Variants in TCERG1L observed in about 807,000 individuals in gnomAD.
TCERG1L encodes the protein transcription elongation regulator 1 like.
TCERG1L carries 37 observed loss-of-function variants against 56.3 expected under a neutral mutation model. The ratio of observed to expected loss-of-function variants is 0.66; its 90% CI spans 0.51 to 0.87. TCERG1L has a LOEUF of 0.87. TCERG1L is among the 40% of genes least tolerant of loss of function. The probability of loss-of-function intolerance (pLI) is 0.00; values close to 1 mark genes in which losing one functional copy is unlikely to be tolerated. For missense variants in TCERG1L, 799 were observed against 774.2 expected, an observed-to-expected ratio of 1.03 and a Z score of -0.38; for synonymous variants, 324 against 326.3, an observed-to-expected ratio of 0.99 and a Z score of 0.08.
chr10:131,256,188 C>T (rs1846163128), intron 4 of TCERG1L, among the ~76,000 whole-genome samples: 1 of 152,144 alleles, frequency 6.6e-6, no homozygotes, highest in Middle Eastern at 3.2e-3. Context: ...TAAAAAAAGA[C>T]CTTATTCCCA....
At chr10:131,291,397 A>C (rs796662037) in intron 3 of TCERG1L, among the ~76,000 whole-genome samples, 46 of 60,180 alleles carry the variant, frequency 7.6e-4, no homozygotes, top group Non-Finnish European at 1.1e-3. Context: ...CATAAACAGC[A>C]TTTCTTTTTT....
At chr10:131,125,660 C>G (rs1236921600) in intron 8 of TCERG1L, among the ~76,000 whole-genome samples, 1 of 152,224 alleles carries the variant, frequency 6.6e-6, no homozygotes, top group Non-Finnish European at 1.5e-5. Flanking sequence ...CTGCAGGCCC[C>G]TGGGTGAGAT....
chr10:131,138,801 A>T (rs1208980706), intron 7 of TCERG1L, among the ~76,000 whole-genome samples: 1 of 152,198 alleles, frequency 6.6e-6, no homozygotes, highest in Non-Finnish European at 1.5e-5. Context: ...AACGCCACTG[A>T]ATTGTACATT....
intron 9 of TCERG1L, among the ~76,000 whole-genome samples, chr10:131,115,643 C>T (rs536116084): frequency 5.3e-4 from 78 of 148,002 alleles, no homozygotes; most frequent in Non-Finnish European, 9.9e-4. Context: ...GGCTGTGTTT[C>T]GCCTTTGAGT....
At chr10:131,202,308 G>GCA (rs1845447786) in intron 4 of TCERG1L, among the ~76,000 whole-genome samples, 1 of 152,206 alleles carries the variant, frequency 6.6e-6, no homozygotes, top group Non-Finnish European at 1.5e-5. Context: ...TTCGCCGGGC[G>GCA]CGGTGGTTCA....
chr10:131,229,820 TAACCTTAATAAAATTTAAAG>T lies in TCERG1L; in HGVS notation c.856+30419_856+30438del, dbSNP rs372301401. Reference sequence around the variant, plus strand: ...ATTGAGAATAAAGGCATAGGGTAAGTAACCTTAATAAAATTTAAAGAAGTGATAATAATAATAAAGAATAA... The same window carrying T: ...ATTGAGAATAAAGGCATAGGGTAAGTAAGTGATAATAATAATAAAGAATAA... On this transcript the variant is annotated intron_variant, in intron 4 of 11. Transcript: ENST00000368642. Among the ~76,000 whole-genome samples the T allele has an allele frequency of 3.9e-3, 601 of 152,160 alleles. 4 individuals are homozygous for T. Among genetic ancestry groups the T allele is most frequent in the African/African-American group, 0.014 (572 of 41,490 alleles).
intron 8 of TCERG1L, among the ~76,000 whole-genome samples, chr10:131,120,962 T>C (rs1417746615): frequency 6.6e-6 from 1 of 152,208 alleles, no homozygotes; most frequent in African/African-American, 2.4e-5. Context: ...GTGGGACATG[T>C]ATAAAACAGT....
chr10:131,281,830 G>T (rs1340406174), intron 3 of TCERG1L, among the ~76,000 whole-genome samples: 4 of 141,712 alleles, frequency 2.8e-5, no homozygotes, highest in Non-Finnish European at 4.7e-5. Flanking sequence ...AGTGAGGACT[G>T]CCTGAGACCA....
intron 5 of TCERG1L, among the ~76,000 whole-genome samples, chr10:131,164,756 T>G (rs1418674691): frequency 6.6e-6 from 1 of 152,226 alleles, no homozygotes; most frequent in Admixed American, 6.5e-5. Flanking sequence ...AATTTTAGAA[T>G]CTCTGTTTCT....
chr10:131,256,880 A>G (rs1846168674), intron 4 of TCERG1L, among the ~76,000 whole-genome samples: 1 of 150,356 alleles, frequency 6.7e-6, no homozygotes, highest in Non-Finnish European at 1.5e-5. Context: ...TCGAGACTCC[A>G]TCTCAAGAAA....
At chr10:131,219,054 T>C (rs1246807574) in intron 4 of TCERG1L, among the ~76,000 whole-genome samples, 3 of 152,172 alleles carry the variant, frequency 2.0e-5, no homozygotes, top group African/African-American at 7.2e-5. Context: ...CCAGTGGTCA[T>C]GGCTGGCATG....
At chr10:131,140,629 G>T (rs927391926) in intron 7 of TCERG1L, among the ~76,000 whole-genome samples, 3 of 152,202 alleles carry the variant, frequency 2.0e-5, no homozygotes, top group Non-Finnish European at 4.4e-5. Context: ...ACGAAGAGGG[G>T]CACAGTGGGG....
intron 4 of TCERG1L, among the ~76,000 whole-genome samples, chr10:131,185,441 A>T (rs909792297): frequency 6.6e-6 from 1 of 152,230 alleles, no homozygotes; most frequent in Non-Finnish European, 1.5e-5. Context: ...AGAAAGGAAA[A>T]AACAACCTTC....
At chr10:131,152,034 C>T (rs1349385302) in intron 6 of TCERG1L, among the ~76,000 whole-genome samples, 2 of 152,206 alleles carry the variant, frequency 1.3e-5, no homozygotes, top group Non-Finnish European at 2.9e-5. Context: ...GGGTGACCCT[C>T]CTAGCCCTCC....
chr10:131,227,887 G>A (rs193191272), intron 4 of TCERG1L, among the ~76,000 whole-genome samples: 22 of 152,178 alleles, frequency 1.4e-4, no homozygotes, highest in Admixed American at 7.2e-4. Flanking sequence ...ACTATCTTCC[G>A]GGTCAATATT....
At chr10:131,116,738 C>T (rs1589778974) in intron 9 of TCERG1L, 61 bp downstream of exon 9, 1 of 1,539,116 alleles carries the variant, frequency 6.5e-7, no homozygotes, top group Non-Finnish European at 8.7e-7. Flanking sequence ...GGGACGGCCA[C>T]TCAGCTGCTG....
At chr10:131,132,936 T>TG (rs1845634117) in intron 8 of TCERG1L, among the ~76,000 whole-genome samples, 1 of 152,180 alleles carries the variant, frequency 6.6e-6, no homozygotes, top group Non-Finnish European at 1.5e-5. Flanking sequence ...CCACGTGCTG[T>TG]GGGGCCAGGC....
intron 3 of TCERG1L, among the ~76,000 whole-genome samples, chr10:131,277,142 C>G (rs1043022177): frequency 1.3e-5 from 2 of 151,496 alleles, no homozygotes; most frequent in Non-Finnish European, 2.9e-5. Flanking sequence ...GAGCTAGGAG[C>G]TGTGAGGAAG....
chr10:131,311,437 G>A lies in TCERG1L; in HGVS notation c.199C>T (p.Pro67Ser). 1 of 1,177,130 alleles carries A rather than the reference G, an allele frequency of 8.5e-7. No individual in the cohort carries two copies. The highest frequency in any genetic ancestry group is 1.6e-5 in the African/African-American group (1 of 61,916). 72.9% of individuals were successfully genotyped at this position (1,177,130 alleles called of 1,614,324 possible). ...GGGAGCAGCGGGGCCGCGGGCGGCG[G>A]GGCCGAGGCGAGCAGCACCGGGGGA... ...VVPPVLLASA[P>S]PPAAPLLPGL... The change falls in exon 1 of 12, where the codon CCG (proline) becomes TCG (serine). Residue 67 changes from proline to serine, a missense_variant. Physicochemically the swap from Pro to Ser is moderately conservative, Grantham distance 74. Coordinates refer to ENST00000368642, the MANE Select transcript of TCERG1L (RefSeq NM_174937.4). The surrounding 1 kb of genome is among the most constrained non-coding windows in gnomAD (Gnocchi z 4.0).
Sources: gnomAD v4.1 joint callset for allele counts (sites outside exome capture counted in the v4.1 genomes callset) on GRCh38, gnomAD v4.1.1 for gene constraint, Gnocchi (gnomAD v3.1) non-coding constraint, MANE v1.5 for transcripts, NCBI Gene and HGNC (gene_info 2026-07-23, HGNC 2026-07-21) for gene names.